Variants in CORIN observed in about 807,000 individuals in gnomAD.
CORIN encodes the protein atrial natriuretic peptide-converting enzyme.
Under a neutral mutation model 125.3 loss-of-function variants are expected in CORIN, and 117 were observed. The observed-to-expected ratio is 0.93, with a 90% CI of 0.80 to 1.09. The LOEUF (loss-of-function observed/expected upper bound fraction) is 1.09, where lower values mean the gene tolerates loss of function less well. CORIN is among the 50% of genes least tolerant of loss of function. CORIN has a pLI of 0.00. For synonymous variants in CORIN, 450 were observed against 466.4 expected, an observed-to-expected ratio of 0.96 and a Z score of 0.45; for missense variants, 1,253 against 1,306.7, an observed-to-expected ratio of 0.96 and a Z score of 0.63.
At chr4:47,783,200 A>G (rs1730630248) in intron 3 of CORIN, among the ~76,000 whole-genome samples, 1 of 152,116 alleles carries the variant, frequency 6.6e-6, no homozygotes, top group Non-Finnish European at 1.5e-5. Context: ...TATAAAATAC[A>G]TAAGGAAAAA....
intron 5 of CORIN, among the ~76,000 whole-genome samples, chr4:47,732,748 G>A (rs1334858977): frequency 6.6e-6 from 1 of 152,072 alleles, no homozygotes; most frequent in Non-Finnish European, 1.5e-5. Context: ...TTTTAGTAGA[G>A]ACGCGGTTTC....
At chr4:47,608,012 C>T (rs1298922294) in intron 19 of CORIN, among the ~76,000 whole-genome samples, 1 of 151,250 alleles carries the variant, frequency 6.6e-6, no homozygotes, top group Admixed American at 6.6e-5. Flanking sequence ...GATCATATGA[C>T]TATTTTAGTA....
intron 10 of CORIN, among the ~76,000 whole-genome samples, chr4:47,667,758 G>A (rs548944760): frequency 1.2e-4 from 18 of 152,356 alleles, no homozygotes; most frequent in African/African-American, 4.1e-4. Context: ...GGATGAGTCA[G>A]AGTGGAGAGA....
chr4:47,733,666 A>G (rs1727990353), intron 5 of CORIN, among the ~76,000 whole-genome samples: 1 of 152,230 alleles, frequency 6.6e-6, no homozygotes, highest in African/African-American at 2.4e-5. Flanking sequence ...AGCATGATTG[A>G]TAGGTCCTGA....
chr4:47,668,656 C>G (rs1724588939), intron 10 of CORIN, among the ~76,000 whole-genome samples: 1 of 152,168 alleles, frequency 6.6e-6, no homozygotes, highest in Non-Finnish European at 1.5e-5. Flanking sequence ...CATCAAGGTT[C>G]AACTTTTTAT....
At chr4:47,649,005 C>A (rs930915179) in intron 13 of CORIN, among the ~76,000 whole-genome samples, 2 of 152,220 alleles carry the variant, frequency 1.3e-5, no homozygotes, top group Non-Finnish European at 2.9e-5. Context: ...CCTGCTATAG[C>A]AGCTGGAACA....
intron 12 of CORIN, among the ~76,000 whole-genome samples, chr4:47,654,139 T>C (rs1047022565): frequency 5.9e-5 from 9 of 152,224 alleles, no homozygotes; most frequent in African/African-American, 2.2e-4. Flanking sequence ...ATCACTAGTA[T>C]AAAAGCATCC....
chr4:47,618,337 A>AAC (rs1023026490), intron 19 of CORIN, among the ~76,000 whole-genome samples: 1 of 143,130 alleles, frequency 7.0e-6, no homozygotes, highest in Non-Finnish European at 1.5e-5. Context: ...TCCATCAAAA[A>AAC]AAAAAAAGGA....
At chr4:47,786,700 T>A in intron 3 of CORIN, 25 bp downstream of exon 3, 1 of 1,592,154 alleles carries the variant, frequency 6.3e-7, no homozygotes, top group Non-Finnish European at 8.6e-7. Flanking sequence ...TAAAAGCCTC[T>A]AGCATGTATC....
chr4:47,826,246 C>G (rs935728679), intron 1 of CORIN, among the ~76,000 whole-genome samples: 6 of 152,238 alleles, frequency 3.9e-5, no homozygotes, highest in African/African-American at 1.4e-4. Context: ...GTCTAAGACT[C>G]TGCAGCCAGG....
intron 3 of CORIN, among the ~76,000 whole-genome samples, chr4:47,766,781 A>G (rs1729768838): frequency 6.6e-6 from 1 of 152,004 alleles, no homozygotes. Flanking sequence ...CCCCATCTCT[A>G]GTAAAAATAC....
At chr4:47,736,850 G>A (rs545321336) in intron 5 of CORIN, among the ~76,000 whole-genome samples, 27 of 152,178 alleles carry the variant, frequency 1.8e-4, no homozygotes, top group Admixed American at 9.2e-4. Flanking sequence ...CCACAAAGGC[G>A]AAGAGACAAA....
chr4:47,817,917 T>C (rs1732345887), intron 1 of CORIN, among the ~76,000 whole-genome samples: 1 of 152,184 alleles, frequency 6.6e-6, no homozygotes, highest in Non-Finnish European at 1.5e-5. Context: ...GCTGTAGATT[T>C]ACCCTTCTAC....
chr4:47,660,059 C>T (rs1256878598), intron 12 of CORIN, among the ~76,000 whole-genome samples: 1 of 152,154 alleles, frequency 6.6e-6, no homozygotes, highest in African/African-American at 2.4e-5. Context: ...TCATTTTCAG[C>T]AAAGGTTTCA....
intron 6 of CORIN, among the ~76,000 whole-genome samples, chr4:47,691,927 G>C (rs1228310681): frequency 6.6e-6 from 1 of 152,102 alleles, no homozygotes; most frequent in South Asian, 2.1e-4. Context: ...AGAATTTTTT[G>C]ATTAAGATCA....
At chr4:47,796,845 T>A (rs1731310355) in intron 2 of CORIN, among the ~76,000 whole-genome samples, 3 of 152,088 alleles carry the variant, frequency 2.0e-5, no homozygotes, top group Admixed American at 2.0e-4. Context: ...GTGGATTTCA[T>A]GTTTAAAGTA....
rs1725738188 is a variant in CORIN, at chr4:47,690,968, C to T, written c.913+2002G>A. 2.0e-5 allele frequency among the ~76,000 whole-genome samples: 3 copies of T among 152,294 alleles called. No homozygotes were observed. The South Asian group carries it at 6.2e-4, about 32-fold the overall frequency. On this transcript the variant is annotated intron_variant, in intron 6 of 21. Transcript: ENST00000273857. ...TGAAGGGATGTATTTCCCCAACGGACCAAAAGATCATTTTTGTGATATGTT... is the reference window on the plus strand; with the variant it reads ...TGAAGGGATGTATTTCCCCAACGGATCAAAAGATCATTTTTGTGATATGTT...
intron 5 of CORIN, among the ~76,000 whole-genome samples, chr4:47,694,081 A>G (rs894375031): frequency 6.6e-6 from 1 of 152,200 alleles, no homozygotes; most frequent in Non-Finnish European, 1.5e-5. Context: ...TGCAATATTC[A>G]GGGGCTAGTT....
At chr4:47,645,006 G>T (rs1247949770) in intron 14 of CORIN, 75 bp downstream of exon 14, 1 of 789,722 alleles carries the variant, frequency 1.3e-6, no homozygotes, top group Admixed American at 2.2e-5. Flanking sequence ...CACACTTTTA[G>T]CTTGTATTCA....
Sources: allele counts gnomAD v4.1 joint callset (sites outside exome capture counted in the v4.1 genomes callset), GRCh38; gene constraint gnomAD v4.1.1; transcripts MANE v1.5; gene names NCBI Gene and HGNC (gene_info 2026-07-23, HGNC 2026-07-21).